MACROD2: variants seen among roughly 807,000 people sequenced by gnomAD.
MACROD2 encodes mono-ADP ribosylhydrolase 2, also known as ADP-ribose glycohydrolase MACROD2.
In MACROD2, 36 loss-of-function variants were observed where a neutral mutation model predicts 70.4. The ratio of observed to expected loss-of-function variants is 0.51; its 90% CI spans 0.39 to 0.68. MACROD2 has a LOEUF of 0.68. Among genes scored for constraint, MACROD2 ranks in the 30% least tolerant of loss-of-function variants. MACROD2 has a pLI of 0.00. For missense variants in MACROD2, 496 were observed against 538.4 expected (o/e 0.92, Z 0.78); for synonymous variants, 172 against 178.8 (o/e 0.96, Z 0.30).
intron 8 of MACROD2, among the ~76,000 whole-genome samples, chr20:15,740,298 A>G (rs912684664): frequency 6.6e-6 from 1 of 152,210 alleles, no homozygotes; most frequent in African/African-American, 2.4e-5. Context: ...AGGAAAAGAA[A>G]CAAGTTTTGG....
intron 5 of MACROD2, among the ~76,000 whole-genome samples, chr20:14,962,944 G>A (rs1356387023): frequency 6.6e-6 from 1 of 152,152 alleles, no homozygotes; most frequent in Non-Finnish European, 1.5e-5. Context: ...GTTGGTTGGA[G>A]AATATGCCAT....
chr20:14,632,288 T>C (rs1162657733), intron 4 of MACROD2, among the ~76,000 whole-genome samples: 1 of 152,164 alleles, frequency 6.6e-6, no homozygotes, highest in Non-Finnish European at 1.5e-5. Context: ...ATATTATATG[T>C]CAAGGTTAAA....
intron 7 of MACROD2, among the ~76,000 whole-genome samples, chr20:15,463,856 A>G (rs1455059654): frequency 6.6e-6 from 1 of 152,180 alleles, no homozygotes; most frequent in Admixed American, 6.5e-5. Flanking sequence ...TTTATTCCAA[A>G]CTTCCCCTGC....
At chr20:15,949,371 T>C (rs2065873911) in intron 12 of MACROD2, among the ~76,000 whole-genome samples, 1 of 152,166 alleles carries the variant, frequency 6.6e-6, no homozygotes, top group African/African-American at 2.4e-5. Context: ...CATTGAATCA[T>C]CACCAAATCA....
At chr20:15,109,007 T>C (rs572006896) in intron 5 of MACROD2, among the ~76,000 whole-genome samples, 1 of 152,304 alleles carries the variant, frequency 6.6e-6, no homozygotes, top group Non-Finnish European at 1.5e-5. Flanking sequence ...AACTAAAGCC[T>C]GTGGGCCAAA....
intron 8 of MACROD2, among the ~76,000 whole-genome samples, chr20:15,549,366 T>C (rs1447778386): frequency 6.6e-6 from 1 of 152,214 alleles, no homozygotes; most frequent in African/African-American, 2.4e-5. Context: ...CAAAGGATCA[T>C]ATATTTTATG....
intron 2 of MACROD2, among the ~76,000 whole-genome samples, chr20:14,004,445 C>A (rs747217612): frequency 2.0e-5 from 3 of 152,164 alleles, no homozygotes; most frequent in Non-Finnish European, 4.4e-5. Flanking sequence ...TTCTATTTTT[C>A]CTGAAATGTT....
rs147093310 is a variant in MACROD2, at chr20:14,654,086, G to A, written c.302-30757G>A. On this transcript the variant is annotated intron_variant, in intron 4 of 17. Transcript: ENST00000684519. ...AAAAATAAGGTGTGAAAAGCACTTA[G>A]TATTGTGTCTGGCACATAATATATT... Among the ~76,000 whole-genome samples the A allele has an allele frequency of 1.3e-3, 201 of 152,160 alleles. No individual in the cohort carries two copies. In the Middle Eastern group the frequency reaches 0.024, roughly 18 times the overall value.
chr20:14,420,979 T>G (rs2083870803), intron 3 of MACROD2, among the ~76,000 whole-genome samples: 1 of 152,230 alleles, frequency 6.6e-6, no homozygotes, highest in Non-Finnish European at 1.5e-5. Context: ...AGGCATGAGC[T>G]ACTATGCCCA....
intron 4 of MACROD2, among the ~76,000 whole-genome samples, chr20:14,582,690 G>T (rs1339041821): frequency 6.6e-6 from 1 of 152,086 alleles, no homozygotes; most frequent in African/African-American, 2.4e-5. Flanking sequence ...TGTGTCTTCT[G>T]TTGCCCAGAA....
intron 8 of MACROD2, among the ~76,000 whole-genome samples, chr20:15,771,575 TTCTG>T (rs10538722): frequency 0.049 from 7,495 of 152,074 alleles, 257 homozygotes; most frequent in East Asian, 0.13. Context: ...GCAGCTTACT[TTCTG>T]TCTGTCTGTA....
chr20:14,064,424 AT>A (rs1168069893), intron 2 of MACROD2, among the ~76,000 whole-genome samples: 1 of 152,132 alleles, frequency 6.6e-6, no homozygotes, highest in Non-Finnish European at 1.5e-5. Context: ...GGAAATTAAT[AT>A]GTAACATATC....
intron 6 of MACROD2, among the ~76,000 whole-genome samples, chr20:15,344,281 G>T (rs2423944): frequency 6.6e-6 from 1 of 151,742 alleles, no homozygotes; most frequent in Non-Finnish European, 1.5e-5. Context: ...TTTCTCCTTG[G>T]TACTGTCCAA....
At chr20:15,379,715 A>G (rs779520379) in intron 6 of MACROD2, among the ~76,000 whole-genome samples, 1 of 151,992 alleles carries the variant, frequency 6.6e-6, no homozygotes, top group Non-Finnish European at 1.5e-5. Flanking sequence ...ATTATTTTTT[A>G]TTGAATTTAT....
chr20:14,212,727 G>A (rs1026354398), intron 3 of MACROD2, among the ~76,000 whole-genome samples: 6 of 151,454 alleles, frequency 4.0e-5, no homozygotes, highest in Admixed American at 6.6e-5. Context: ...CCACATACCT[G>A]TCAGGATCAT....
intron 5 of MACROD2, among the ~76,000 whole-genome samples, chr20:15,134,406 A>C (rs985389606): frequency 6.6e-6 from 1 of 151,876 alleles, no homozygotes; most frequent in Non-Finnish European, 1.5e-5. Flanking sequence ...ACTCAGGATT[A>C]AGAAACTCAC....
chr20:14,382,148 G>A (rs1253892499), intron 3 of MACROD2, among the ~76,000 whole-genome samples: 2 of 144,826 alleles, frequency 1.4e-5, no homozygotes, highest in African/African-American at 2.6e-5. Context: ...TGCAAACTCC[G>A]CCTCCAGGGT....
intron 5 of MACROD2, among the ~76,000 whole-genome samples, chr20:14,727,174 G>A (rs1373247688): frequency 1.3e-5 from 2 of 152,078 alleles, no homozygotes; most frequent in Non-Finnish European, 2.9e-5. Context: ...TTGAAAATCT[G>A]GCTATGGAAG....
chr20:15,964,658 C>T (rs2066112728), intron 12 of MACROD2, among the ~76,000 whole-genome samples: 2 of 152,236 alleles, frequency 1.3e-5, no homozygotes, highest in Admixed American at 6.5e-5. Flanking sequence ...TCATCACCCC[C>T]TAAGCAGAAA....
Sources: allele counts gnomAD v4.1 joint callset (sites outside exome capture counted in the v4.1 genomes callset), GRCh38; gene constraint gnomAD v4.1.1; transcripts MANE v1.5; gene names NCBI Gene and HGNC (gene_info 2026-07-23, HGNC 2026-07-21).